RALB: variants seen among roughly 807,000 people sequenced by gnomAD.
RALB encodes ras-related protein Ral-B.
Under a neutral mutation model 21.3 loss-of-function variants are expected in RALB, and 16 were observed. The ratio of observed to expected loss-of-function variants is 0.75; its 90% confidence interval spans 0.51 to 1.14. RALB has a LOEUF of 1.14. RALB is among the 50% of genes most tolerant of loss of function. The pLI is 0.00. For missense variants in RALB, 161 were observed against 256.2 expected (o/e 0.63, Z 2.54); for synonymous variants, 93 against 96.1 (o/e 0.97, Z 0.19).
intron 1 of RALB, among the ~76,000 whole-genome samples, chr2:120,274,196 A>G (rs1330361830): frequency 6.6e-6 from 1 of 152,224 alleles, no homozygotes; most frequent in Non-Finnish European, 1.5e-5. Context: ...TGTAGGAAAC[A>G]GTGTGGACCA....
chr2:120,240,182 CT>C, intron 1 of RALB: 1 of 1,286,934 alleles, frequency 7.8e-7, no homozygotes, highest in Non-Finnish European at 1.0e-6. Flanking sequence ...GACCTTGTGA[CT>C]TGCCTGTTGT....
At chr2:120,273,915 T>A (rs1024169646) in intron 1 of RALB, among the ~76,000 whole-genome samples, 2 of 152,248 alleles carry the variant, frequency 1.3e-5, no homozygotes, top group African/African-American at 4.8e-5. Flanking sequence ...TATTTCAGTT[T>A]TTGAACTTTA....
chr2:120,264,126 A>G (rs1689439052), intron 1 of RALB, among the ~76,000 whole-genome samples: 2 of 146,092 alleles, frequency 1.4e-5, no homozygotes, highest in Non-Finnish European at 1.5e-5. Flanking sequence ...TGAGATTACA[A>G]GTGTGAGCCA....
intron 2 of RALB, among the ~76,000 whole-genome samples, chr2:120,283,148 A>G (rs1246277881): frequency 6.6e-6 from 1 of 152,180 alleles, no homozygotes; most frequent in Non-Finnish European, 1.5e-5. Context: ...TCATCTAGTC[A>G]GGAAATTGAG....
chr2:120,255,294 A>G (rs749292725), intron 1 of RALB, among the ~76,000 whole-genome samples: 4 of 151,810 alleles, frequency 2.6e-5, no homozygotes, highest in Admixed American at 6.6e-5. Context: ...AAATGAATGT[A>G]TGTTCTGAAT....
At chr2:120,252,359 G>A (rs771720066), upstream of RALB, among the ~76,000 whole-genome samples, 8 of 152,232 alleles carry the variant, frequency 5.3e-5, no homozygotes, top group Non-Finnish European at 1.2e-4. Context: ...GAGTGGTGGC[G>A]GCAGGTGGAG....
At chr2:120,251,940 A>G (rs1413362419), upstream of RALB, among the ~76,000 whole-genome samples, 3 of 152,208 alleles carry the variant, frequency 2.0e-5, no homozygotes, top group Non-Finnish European at 4.4e-5. Flanking sequence ...TATAGTATAC[A>G]CATGCATCCT....
chr2:120,267,081 G>C (rs1689521809), intron 1 of RALB, among the ~76,000 whole-genome samples: 1 of 152,202 alleles, frequency 6.6e-6, no homozygotes, highest in East Asian at 1.9e-4. Flanking sequence ...AGTCCTGGCA[G>C]TAGGAATAGC....
intron 1 of RALB, among the ~76,000 whole-genome samples, chr2:120,277,789 CTG>C (rs751066551): frequency 4.8e-5 from 7 of 146,688 alleles, no homozygotes; most frequent in Non-Finnish European, 9.0e-5. Flanking sequence ...ATGTGTGAGC[CTG>C]TGATAGTGTG....
At chr2:120,259,110 T>G (rs1689276850) in intron 1 of RALB, among the ~76,000 whole-genome samples, 1 of 151,832 alleles carries the variant, frequency 6.6e-6, no homozygotes, top group Non-Finnish European at 1.5e-5. Flanking sequence ...TCGCGGTGAG[T>G]GTTACAGCTC....
chr2:120,252,768 A>T, upstream of RALB: 1 of 984,950 alleles, frequency 1.0e-6, no homozygotes, highest in Non-Finnish European at 1.2e-6. Context: ...GTGGCTTCCG[A>T]GGAGAGGGCA....
chr2:120,266,988 G>A (rs922560533), intron 1 of RALB, among the ~76,000 whole-genome samples: 4 of 152,012 alleles, frequency 2.6e-5, no homozygotes, highest in African/African-American at 9.7e-5. Flanking sequence ...TGGGCTGGCC[G>A]GGGGATATCT....
intron 1 of RALB, among the ~76,000 whole-genome samples, chr2:120,262,451 A>AC (rs1234354743): frequency 6.6e-6 from 1 of 152,144 alleles, no homozygotes; most frequent in Non-Finnish European, 1.5e-5. Flanking sequence ...GGTTGCAGGG[A>AC]CCAGGTGGGT....
At chr2:120,265,336 A>G (rs889812793) in intron 1 of RALB, among the ~76,000 whole-genome samples, 1 of 152,228 alleles carries the variant, frequency 6.6e-6, no homozygotes, top group African/African-American at 2.4e-5. Flanking sequence ...GTGTAAACAT[A>G]TCGAAACGTA....
intron 1 of RALB, among the ~76,000 whole-genome samples, chr2:120,261,926 C>T (rs1390985141): frequency 5.9e-5 from 9 of 152,134 alleles, no homozygotes; most frequent in East Asian, 3.9e-4. Context: ...TTTCTGGTGA[C>T]GGTGAAGTTC....
chr2:120,246,000 G>A (rs1688963870), intron 1 of RALB, among the ~76,000 whole-genome samples: 1 of 152,182 alleles, frequency 6.6e-6, no homozygotes, highest in Non-Finnish European at 1.5e-5. Context: ...TGGAGCGAGG[G>A]TCTGGGGCCT....
chr2:120,263,583 G>A (rs1184375405), intron 1 of RALB, among the ~76,000 whole-genome samples: 2 of 151,904 alleles, frequency 1.3e-5, no homozygotes, highest in Non-Finnish European at 2.9e-5. Context: ...TTTTTGAGAC[G>A]AAGTCTCGCT....
chr2:120,256,905 T>A (rs1421790744), intron 1 of RALB, among the ~76,000 whole-genome samples: 1 of 152,222 alleles, frequency 6.6e-6, no homozygotes, highest in Non-Finnish European at 1.5e-5. Context: ...AGAAAATCTT[T>A]CTTTCAGATG....
chr2:120,288,729 G>A (rs556446172), intron 3 of RALB, among the ~76,000 whole-genome samples: 1 of 152,142 alleles, frequency 6.6e-6, no homozygotes, highest in Non-Finnish European at 1.5e-5. Context: ...ACGAGTAATG[G>A]TATTTTTGTA....
Sources: gnomAD v4.1 joint callset for allele counts (sites outside exome capture counted in the v4.1 genomes callset) on GRCh38, gnomAD v4.1.1 for gene constraint, MANE v1.5 for transcripts, NCBI Gene and HGNC (gene_info 2026-07-23, HGNC 2026-07-21) for gene names.